RAP1GAP2: variants seen among roughly 807,000 people sequenced by gnomAD.
RAP1GAP2 encodes the protein RAP1 GTPase activating protein 2, also known as rap1 GTPase-activating protein 2.
RAP1GAP2 carries 27 observed loss-of-function variants against 95.0 expected under a neutral mutation model. The observed-to-expected ratio is 0.28, with a 90% CI of 0.21 to 0.39. The LOEUF is 0.39. Among genes scored for constraint, RAP1GAP2 ranks in the 10% least tolerant of loss-of-function variants. The probability of loss-of-function intolerance (pLI) is 1.00; values close to 1 mark genes in which losing one functional copy is unlikely to be tolerated. For synonymous variants in RAP1GAP2, 373 were observed against 380.9 expected, an observed-to-expected ratio of 0.98 and a Z score of 0.24; for missense variants, 771 against 970.0, an observed-to-expected ratio of 0.79 and a Z score of 2.72.
chr17:2,872,555 A>T (rs975188034), intron 2 of RAP1GAP2, among the ~76,000 whole-genome samples: 11 of 152,146 alleles, frequency 7.2e-5, no homozygotes, highest in Non-Finnish European at 1.3e-4. Context: ...CAGCAGGGAC[A>T]GCCCTTCCCG....
chr17:2,896,291 G>C (rs974897416), intron 2 of RAP1GAP2, among the ~76,000 whole-genome samples: 3 of 152,112 alleles, frequency 2.0e-5, no homozygotes, highest in Non-Finnish European at 4.4e-5. Context: ...CGCCTCCCAC[G>C]CTGAGACACT....
At chr17:2,907,310 G>A (rs2042230897) in intron 3 of RAP1GAP2, among the ~76,000 whole-genome samples, 1 of 152,132 alleles carries the variant, frequency 6.6e-6, no homozygotes, top group African/African-American at 2.4e-5. Context: ...TGAGAAGAAG[G>A]GGAAGGGATG....
chr17:2,816,325 A>T (rs2070024373), intron 2 of RAP1GAP2, among the ~76,000 whole-genome samples: 1 of 150,612 alleles, frequency 6.6e-6, no homozygotes, highest in Non-Finnish European at 1.5e-5. Context: ...TCTCATTTTC[A>T]TCAAACCCTC....
chr17:2,966,588 G>C (rs1378668226), intron 8 of RAP1GAP2, among the ~76,000 whole-genome samples: 1 of 152,152 alleles, frequency 6.6e-6, no homozygotes, highest in East Asian at 1.9e-4. Flanking sequence ...GAAAGGTGGG[G>C]GTCCGTGGTT....
intron 1 of RAP1GAP2, among the ~76,000 whole-genome samples, chr17:2,790,238 G>A (rs767517293): frequency 3.3e-5 from 5 of 152,066 alleles, no homozygotes; most frequent in East Asian, 1.9e-4. Context: ...TCAGCCTCCC[G>A]AGTAGCTGGG....
chr17:2,834,170 T>C (rs1486578294), intron 2 of RAP1GAP2, among the ~76,000 whole-genome samples: 1 of 152,180 alleles, frequency 6.6e-6, no homozygotes, highest in African/African-American at 2.4e-5. Context: ...GCTGTGGGAT[T>C]GACCACACTG....
chr17:2,821,317 A>T (rs1323749106), intron 2 of RAP1GAP2, among the ~76,000 whole-genome samples: 1 of 152,194 alleles, frequency 6.6e-6, no homozygotes, highest in Non-Finnish European at 1.5e-5. Flanking sequence ...GAGATTAAAA[A>T]ATAAAAATAT....
At chr17:2,828,984 C>T (rs371562532) in intron 2 of RAP1GAP2, among the ~76,000 whole-genome samples, 35 of 80,842 alleles carry the variant, frequency 4.3e-4, no homozygotes, top group South Asian at 3.0e-3. Context: ...TAATTACTTG[C>T]TTTTTTTTTT....
At chr17:2,789,495 A>G (rs1484390246) in intron 1 of RAP1GAP2, among the ~76,000 whole-genome samples, 3 of 151,896 alleles carry the variant, frequency 2.0e-5, no homozygotes, top group African/African-American at 7.3e-5. Flanking sequence ...TACTGAACAG[A>G]TAAGAATAAA....
rs182902573 is a variant in RAP1GAP2, at chr17:2,975,883, G to T, written c.597-4404G>T. ...TTGACTCCGAACACCTTACTCTGTT[G>T]TTTGTTTGCTTTTGAATTTGTTCAG... On this transcript the variant is annotated intron_variant, in intron 8 of 24. Coordinates refer to ENST00000254695, the MANE Select transcript of RAP1GAP2 (RefSeq NM_015085.5). Among the ~76,000 whole-genome samples, 630 of 152,360 alleles carry T rather than the reference G, an allele frequency of 4.1e-3. 1 individual carries two copies. Among genetic ancestry groups the T allele is most frequent in the Non-Finnish European group, 6.8e-3 (466 of 68,034 alleles).
intron 2 of RAP1GAP2, among the ~76,000 whole-genome samples, chr17:2,893,101 C>T (rs2073773670): frequency 6.6e-6 from 1 of 151,948 alleles, no homozygotes; most frequent in Non-Finnish European, 1.5e-5. Flanking sequence ...GATCTTGGCT[C>T]ACTGCAACCT....
At chr17:2,773,242 G>A (rs992426671), upstream of RAP1GAP2, among the ~76,000 whole-genome samples, 1 of 152,196 alleles carries the variant, frequency 6.6e-6, no homozygotes, top group Admixed American at 6.6e-5. Flanking sequence ...GAGGAGGTGT[G>A]TGGGCACTTA....
intron 4 of RAP1GAP2, among the ~76,000 whole-genome samples, chr17:2,960,270 T>C (rs2044264183): frequency 6.6e-6 from 1 of 151,930 alleles, no homozygotes; most frequent in African/African-American, 2.4e-5. Context: ...GGAAGTTTGC[T>C]CTCCTGCCCT....
chr17:3,014,580 C>T (rs2151631101), intron 17 of RAP1GAP2, among the ~76,000 whole-genome samples: 1 of 133,322 alleles, frequency 7.5e-6, no homozygotes, highest in Non-Finnish European at 1.5e-5. Flanking sequence ...GAGACAGTCT[C>T]GTTCTGTCAC....
chr17:2,832,372 A>C (rs145818096), intron 2 of RAP1GAP2, among the ~76,000 whole-genome samples: 9,170 of 150,642 alleles, frequency 0.061, 471 homozygotes, highest in Admixed American at 0.14. Context: ...TCCTGGCTAA[A>C]ACGGTGAAAC....
intron 3 of RAP1GAP2, among the ~76,000 whole-genome samples, chr17:2,921,713 C>CCG (rs1567780886): frequency 1.5e-4 from 22 of 151,104 alleles, no homozygotes; most frequent in African/African-American, 4.9e-4. Flanking sequence ...CGTTATGTGT[C>CCG]CACAGGGCCG....
At chr17:2,775,343 G>C (rs1432032674), upstream of RAP1GAP2, among the ~76,000 whole-genome samples, 1 of 152,122 alleles carries the variant, frequency 6.6e-6, no homozygotes, top group East Asian at 1.9e-4. Flanking sequence ...ACAGGGCATC[G>C]AGATCATGAG....
Position 2,825,020 on chromosome 17 carries a change from C to T in RAP1GAP2, c.80+24470C>T, listed in dbSNP as rs2070487229. Among the ~76,000 whole-genome samples, 1 of 152,154 alleles carries T rather than the reference C, an allele frequency of 6.6e-6. No homozygotes were observed. The highest frequency in any genetic ancestry group is 1.5e-5 in the Non-Finnish European group (1 of 68,040). On this transcript the variant is annotated intron_variant, in intron 2 of 24. Coordinates refer to ENST00000254695, the MANE Select transcript of RAP1GAP2 (RefSeq NM_015085.5). This position sits in a 1 kb window ranked among gnomAD's most constrained non-coding sequence, Gnocchi z 4.1. ...AGTGCAGTGGCATAATTGTGGCTCA[C>T]TGCAGCCTTGAACTCATGGCACAAG...
chr17:2,893,774 T>C (rs535716869), intron 2 of RAP1GAP2, among the ~76,000 whole-genome samples: 1 of 152,348 alleles, frequency 6.6e-6, no homozygotes, highest in East Asian at 1.9e-4. Context: ...GGGGAACTGC[T>C]CTGTCGGCAG....
Sources: allele counts gnomAD v4.1 joint callset (sites outside exome capture counted in the v4.1 genomes callset), GRCh38; gene constraint gnomAD v4.1.1; non-coding constraint Gnocchi (gnomAD v3.1); transcripts MANE v1.5; gene names NCBI Gene and HGNC (gene_info 2026-07-23, HGNC 2026-07-21).